KALRN: variants seen among roughly 807,000 people sequenced by gnomAD.
The protein encoded by KALRN is kalirin.
In KALRN, 70 loss-of-function variants were observed where a neutral mutation model predicts 353.7. That is an observed-to-expected ratio of 0.20 (90% CI 0.16 to 0.24). The LOEUF is 0.24. Among genes scored for constraint, KALRN ranks in the 10% least tolerant of loss-of-function variants. KALRN has a pLI of 1.00. For missense variants in KALRN, 2,791 were observed against 3,756.7 expected, an observed-to-expected ratio of 0.74 and a Z score of 6.72; for synonymous variants, 1,391 against 1,434.8, an observed-to-expected ratio of 0.97 and a Z score of 0.69.
chr3:124,286,027 T>C (rs1012630264), intron 5 of KALRN, among the ~76,000 whole-genome samples: 4 of 152,074 alleles, frequency 2.6e-5, no homozygotes, highest in Admixed American at 6.5e-5. Context: ...GTCCTGTGCT[T>C]CTATTTGCTT....
intron 48 of KALRN, among the ~76,000 whole-genome samples, chr3:124,673,481 TA>T (rs2086749775): frequency 6.7e-6 from 1 of 149,662 alleles, no homozygotes. Flanking sequence ...TGTATATACA[TA>T]TAGAATATAT....
chr3:124,253,174 G>A (rs1466952925), intron 3 of KALRN, among the ~76,000 whole-genome samples: 2 of 152,174 alleles, frequency 1.3e-5, no homozygotes, highest in South Asian at 2.1e-4. Flanking sequence ...CATAGATCAA[G>A]TAATGGGCAA....
intron 47 of KALRN, among the ~76,000 whole-genome samples, chr3:124,668,043 GACAC>G (rs55672121): frequency 0.052 from 7,171 of 138,280 alleles, 288 homozygotes; most frequent in African/African-American, 0.12. Context: ...TGTATATCGA[GACAC>G]ACACACACAC....
chr3:124,614,631 C>T (rs1383201500), intron 34 of KALRN, among the ~76,000 whole-genome samples: 2 of 150,716 alleles, frequency 1.3e-5, no homozygotes, highest in Non-Finnish European at 2.9e-5. Flanking sequence ...AATGTAGTGG[C>T]ACAATCATGG....
chr3:124,605,608 A>G (rs1561402986), intron 34 of KALRN, among the ~76,000 whole-genome samples: 1 of 113,658 alleles, frequency 8.8e-6, no homozygotes, highest in Non-Finnish European at 1.8e-5. Context: ...GAATAGGTGC[A>G]TTAAGATAGT....
At chr3:124,150,985 T>C (rs912585944) in intron 1 of KALRN, among the ~76,000 whole-genome samples, 4 of 152,204 alleles carry the variant, frequency 2.6e-5, no homozygotes, top group Non-Finnish European at 5.9e-5. Context: ...TTTGTGTCTG[T>C]CCTCTTTTGT....
intron 1 of KALRN, among the ~76,000 whole-genome samples, chr3:124,150,318 AGT>A (rs2149882769): frequency 6.6e-6 from 1 of 152,376 alleles, no homozygotes; most frequent in African/African-American, 2.4e-5. Context: ...TATTTTTGAA[AGT>A]GGGACATAGA....
intron 10 of KALRN, among the ~76,000 whole-genome samples, chr3:124,372,983 G>T (rs1281060349): frequency 1.3e-5 from 2 of 151,838 alleles, no homozygotes; most frequent in African/African-American, 2.4e-5. Context: ...AGACATTCCC[G>T]CAACTCCCTC....
At chr3:124,706,642 T>C (rs2062629034) in intron 57 of KALRN, among the ~76,000 whole-genome samples, 1 of 151,854 alleles carries the variant, frequency 6.6e-6, no homozygotes, top group Admixed American at 6.6e-5. Context: ...CAGTCTTGGC[T>C]CACTGCAACA....
intron 6 of KALRN, among the ~76,000 whole-genome samples, chr3:124,299,838 G>A (rs939586672): frequency 3.3e-5 from 5 of 152,070 alleles, no homozygotes; most frequent in African/African-American, 4.8e-5. Flanking sequence ...GTTTTCCTGC[G>A]TGGCTACCCC....
chr3:124,317,047 C>T (rs949707543), intron 6 of KALRN, among the ~76,000 whole-genome samples: 7 of 152,172 alleles, frequency 4.6e-5, no homozygotes, highest in African/African-American at 1.7e-4. Flanking sequence ...GAGAATTCCA[C>T]CTACCAGGCT....
At chr3:124,639,978 A>G (rs1411012359) in intron 37 of KALRN, among the ~76,000 whole-genome samples, 1 of 152,180 alleles carries the variant, frequency 6.6e-6, no homozygotes, top group Non-Finnish European at 1.5e-5. Flanking sequence ...GCAATGTAAC[A>G]ATACTAGGTT....
At chr3:124,549,589 ATATATACACAAAAGTTT>A (rs2070210425) in intron 33 of KALRN, among the ~76,000 whole-genome samples, 1 of 152,166 alleles carries the variant, frequency 6.6e-6, no homozygotes. Flanking sequence ...TAGTATATAC[ATATATACACAAAAGTTT>A]TATAATATAT....
chr3:124,254,400 A>G lies in KALRN; in HGVS notation c.264-10098A>G, dbSNP rs887016085. On this transcript the variant is annotated intron_variant, in intron 3 of 59. Coordinates refer to ENST00000682506, the MANE Select transcript of KALRN (RefSeq NM_001388419.1). Reference sequence around the variant, plus strand: ...AAGCATGAATGTTTCTTCAAGATCAAGTGTTCTATGCATCTATGAAGCAAA... The same window carrying G: ...AAGCATGAATGTTTCTTCAAGATCAGGTGTTCTATGCATCTATGAAGCAAA... Among the ~76,000 whole-genome samples, 3 of 143,700 alleles carry G rather than the reference A, an allele frequency of 2.1e-5. No homozygotes were observed. The Admixed American group carries it at 2.1e-4, about 10-fold the overall frequency. The allele number at this position is 143,700 out of a possible 152,430, so 94.3% of individuals were successfully genotyped here. A position where few individuals can be genotyped will look rare whatever the true frequency, so the allele number is the denominator to read the frequency against.
At chr3:124,226,220 TTATA>T (rs2078484661) in intron 1 of KALRN, among the ~76,000 whole-genome samples, 1 of 152,194 alleles carries the variant, frequency 6.6e-6, no homozygotes, top group Non-Finnish European at 1.5e-5. Context: ...AAAAAATACT[TTATA>T]TATCTATTTG....
intron 27 of KALRN, among the ~76,000 whole-genome samples, chr3:124,479,750 G>A (rs1404163936): frequency 8.1e-6 from 1 of 124,022 alleles, no homozygotes; most frequent in African/African-American, 3.1e-5. Context: ...TTGAGACGGA[G>A]TCTCGCTCTG....
At chr3:124,228,097 A>G in intron 2 of KALRN, 33 bp downstream of exon 2, 1 of 1,551,496 alleles carries the variant, frequency 6.4e-7, no homozygotes, top group Non-Finnish European at 8.9e-7. Flanking sequence ...TTTGTAAAGG[A>G]CCTAGAGAAG....
chr3:124,639,642 C>T (rs1188412899), intron 37 of KALRN, among the ~76,000 whole-genome samples: 1 of 152,156 alleles, frequency 6.6e-6, no homozygotes, highest in Non-Finnish European at 1.5e-5. Flanking sequence ...CCCATCACAG[C>T]AAATTTTCTA....
intron 34 of KALRN, among the ~76,000 whole-genome samples, chr3:124,578,701 G>A (rs6438845): frequency 0.43 from 65,273 of 151,338 alleles, 15,393 homozygotes; most frequent in East Asian, 0.83. Context: ...CCTGGGAGGT[G>A]GAGATTGCAG....
Sources: allele counts gnomAD v4.1 joint callset (sites outside exome capture counted in the v4.1 genomes callset), GRCh38; gene constraint gnomAD v4.1.1; transcripts MANE v1.5; gene names NCBI Gene and HGNC (gene_info 2026-07-23, HGNC 2026-07-21).